The following GRID2 variants were observed in gnomAD, a reference collection of about 807,000 sequenced individuals.
GRID2 encodes glutamate ionotropic receptor delta type subunit 2.
In GRID2, 33 loss-of-function variants were observed where a neutral mutation model predicts 114.8. The observed-to-expected ratio is 0.29, with a 90% CI of 0.22 to 0.38. The LOEUF is 0.38. Among genes scored for constraint, GRID2 ranks in the 10% least tolerant of loss-of-function variants. The pLI is 1.00. For synonymous variants in GRID2, 505 were observed against 449.9 expected (o/e 1.12, Z -1.55); for missense variants, 1,184 against 1,257.7 (o/e 0.94, Z 0.89).
intron 1 of GRID2, among the ~76,000 whole-genome samples, chr4:92,487,500 A>C (rs2149110438): frequency 6.6e-6 from 1 of 152,168 alleles, no homozygotes; most frequent in Non-Finnish European, 1.5e-5. Context: ...TTTGAAAGAT[A>C]TTTCCACTAG....
intron 13 of GRID2, among the ~76,000 whole-genome samples, chr4:93,540,288 T>G (rs1444915885): frequency 1.3e-5 from 2 of 152,066 alleles, no homozygotes; most frequent in Non-Finnish European, 2.9e-5. Context: ...GTTGTTGTCT[T>G]GGTTGTATGG....
chr4:92,438,522 T>C (rs572484559), intron 1 of GRID2, among the ~76,000 whole-genome samples: 1 of 152,222 alleles, frequency 6.6e-6, no homozygotes, highest in East Asian at 1.9e-4. Flanking sequence ...ATTGGCATTA[T>C]ACTGTAAGGA....
At chr4:92,324,606 C>A (rs1000672455) in intron 1 of GRID2, among the ~76,000 whole-genome samples, 12 of 147,772 alleles carry the variant, frequency 8.1e-5, no homozygotes, top group Admixed American at 2.7e-4. Flanking sequence ...GACACACACA[C>A]ACACACACAC....
chr4:93,407,770 TCCTCCTCATCCTCCTCGTCC>T, intron 9 of GRID2, among the ~76,000 whole-genome samples: 1 of 119,198 alleles, frequency 8.4e-6, no homozygotes, highest in Non-Finnish European at 1.6e-5. Context: ...CTCCTCCTCC[TCCTCCTCATCCTCCTCGTCC>T]TCCTCCTCGT....
At chr4:93,354,340 C>T (rs557713651) in intron 8 of GRID2, among the ~76,000 whole-genome samples, 27 of 151,988 alleles carry the variant, frequency 1.8e-4, no homozygotes, top group Admixed American at 6.6e-4. Flanking sequence ...GCTGTTTAGA[C>T]ATTAAACTGA....
intron 8 of GRID2, among the ~76,000 whole-genome samples, chr4:93,320,147 T>C (rs1757061959): frequency 1.3e-5 from 2 of 152,004 alleles, no homozygotes; most frequent in Non-Finnish European, 2.9e-5. Flanking sequence ...TTAAAGAACA[T>C]TAAGTCTTAA....
intron 9 of GRID2, among the ~76,000 whole-genome samples, chr4:93,400,265 T>C (rs1214150167): frequency 6.6e-6 from 1 of 152,142 alleles, no homozygotes; most frequent in Non-Finnish European, 1.5e-5. Flanking sequence ...TCTTCATATA[T>C]AGATTTCTTT....
At chr4:92,763,392 C>A (rs1738113644) in intron 2 of GRID2, among the ~76,000 whole-genome samples, 1 of 152,078 alleles carries the variant, frequency 6.6e-6, no homozygotes, top group Non-Finnish European at 1.5e-5. Context: ...CCTCCATATC[C>A]CCAGGTTCTG....
At chr4:93,019,292 A>G (rs78316772) in intron 2 of GRID2, among the ~76,000 whole-genome samples, 1 of 152,278 alleles carries the variant, frequency 6.6e-6, no homozygotes, top group African/African-American at 2.4e-5. Flanking sequence ...TTTTTTTATT[A>G]CTTACATTTG....
intron 10 of GRID2, among the ~76,000 whole-genome samples, chr4:93,427,282 A>T (rs2149374827): frequency 6.6e-6 from 1 of 152,056 alleles, no homozygotes; most frequent in African/African-American, 2.4e-5. Context: ...CCAAAATTAC[A>T]CCGTTGAAAT....
intron 2 of GRID2, among the ~76,000 whole-genome samples, chr4:92,827,526 G>C (rs1178488432): frequency 6.6e-6 from 1 of 151,712 alleles, no homozygotes; most frequent in African/African-American, 2.4e-5. Context: ...CTACCATCCT[G>C]GTAGTATCTT....
At chr4:93,275,418 T>C (rs1334829373) in intron 8 of GRID2, among the ~76,000 whole-genome samples, 1 of 112,362 alleles carries the variant, frequency 8.9e-6, no homozygotes, top group African/African-American at 3.9e-5. Flanking sequence ...TTTTCATTTC[T>C]GTTGGATATA....
intron 2 of GRID2, among the ~76,000 whole-genome samples, chr4:92,853,068 A>C (rs994353472): frequency 2.6e-5 from 4 of 151,986 alleles, no homozygotes; most frequent in Admixed American, 6.6e-5. Context: ...AATCCTTGAC[A>C]TATAGCACAG....
At chr4:92,612,534 T>G (rs529313493) in intron 2 of GRID2, among the ~76,000 whole-genome samples, 1 of 151,574 alleles carries the variant, frequency 6.6e-6, no homozygotes, top group East Asian at 1.9e-4. Context: ...ATAAATCAAT[T>G]TGGGGATGAT....
intron 2 of GRID2, among the ~76,000 whole-genome samples, chr4:92,771,629 T>G (rs755806711): frequency 4.6e-5 from 7 of 152,212 alleles, no homozygotes; most frequent in Non-Finnish European, 7.3e-5. Context: ...ATTATAAGTT[T>G]TATGCAACTT....
At chr4:93,674,879 A>C (rs543508766) in intron 14 of GRID2, among the ~76,000 whole-genome samples, 1 of 152,102 alleles carries the variant, frequency 6.6e-6, no homozygotes, top group Non-Finnish European at 1.5e-5. Flanking sequence ...CTCCCCAAAG[A>C]TTCTCAAAAA....
chr4:92,607,734 T>C (rs1287522407), intron 2 of GRID2, among the ~76,000 whole-genome samples: 1 of 151,814 alleles, frequency 6.6e-6, no homozygotes, highest in Non-Finnish European at 1.5e-5. Flanking sequence ...TATAATAAGG[T>C]TCTCAACTCC....
At chr4:92,818,195 A>G (rs1167860928) in intron 2 of GRID2, among the ~76,000 whole-genome samples, 1 of 152,154 alleles carries the variant, frequency 6.6e-6, no homozygotes, top group Non-Finnish European at 1.5e-5. Flanking sequence ...ACTTAATTAT[A>G]AACTGATAAG....
intron 8 of GRID2, among the ~76,000 whole-genome samples, chr4:93,247,145 G>A (rs1321210898): frequency 6.6e-6 from 1 of 151,996 alleles, no homozygotes; most frequent in African/African-American, 2.4e-5. Flanking sequence ...TGACTGATGG[G>A]GTACAATTCT....
Sources: gnomAD v4.1 joint callset for allele counts (sites outside exome capture counted in the v4.1 genomes callset) on GRCh38, gnomAD v4.1.1 for gene constraint, MANE v1.5 for transcripts, NCBI Gene and HGNC (gene_info 2026-07-23, HGNC 2026-07-21) for gene names.